Variants in CEP83 observed in about 807,000 individuals in gnomAD.
CEP83 encodes centrosomal protein 83.
A neutral mutation model predicts 101.9 loss-of-function variants in CEP83; 70 were observed. That is an observed-to-expected ratio of 0.69 (90% CI 0.57 to 0.84). The LOEUF is 0.84. CEP83 is among the 40% of genes least tolerant of loss of function. CEP83 has a pLI of 0.00. For synonymous variants in CEP83, 264 were observed against 267.9 expected (o/e 0.99, Z 0.14); for missense variants, 715 against 787.2 (o/e 0.91, Z 1.10).
intron 11 of CEP83, among the ~76,000 whole-genome samples, chr12:94,342,724 A>T (rs138110374): frequency 6.6e-5 from 10 of 152,320 alleles, no homozygotes; most frequent in African/African-American, 2.4e-4. Flanking sequence ...GGATAAAAGT[A>T]TACCAGGCAA....
chr12:94,365,237 T>C (rs1156668262), intron 11 of CEP83, among the ~76,000 whole-genome samples: 1 of 152,080 alleles, frequency 6.6e-6, no homozygotes, highest in African/African-American at 2.4e-5. Context: ...GATATAAAAA[T>C]GGCCCTTAAA....
At chr12:94,268,612 T>TTTTTA in the CEP83 span, among the ~76,000 whole-genome samples, 55 of 130,756 alleles carry the variant, frequency 4.2e-4, no homozygotes, top group African/African-American at 9.9e-4. Flanking sequence ...TTTTTTTTTT[T>TTTTTA]AATTTAAGGA....
intron 14 of CEP83, among the ~76,000 whole-genome samples, chr12:94,328,575 G>A (rs757302061): frequency 6.6e-6 from 1 of 152,166 alleles, no homozygotes; most frequent in Non-Finnish European, 1.5e-5. Flanking sequence ...AAGAATCTAA[G>A]AAGTCTGTTG....
intron 1 of CEP83, among the ~76,000 whole-genome samples, chr12:94,446,316 C>T (rs1216263211): frequency 6.6e-6 from 1 of 152,116 alleles, no homozygotes; most frequent in Non-Finnish European, 1.5e-5. Context: ...AGAGATATGC[C>T]ATAGGAATTT....
chr12:94,451,185 T>C (rs1407547874), intron 1 of CEP83, among the ~76,000 whole-genome samples: 1 of 152,170 alleles, frequency 6.6e-6, no homozygotes, highest in Non-Finnish European at 1.5e-5. Flanking sequence ...ATGAATCTTA[T>C]ATTTAAAGGA....
rs560349094 is a variant in CEP83 at position 94,425,036 on chromosome 12, G to C, written c.-102+10239C>G. On this transcript the variant is annotated intron_variant, in intron 2 of 16. Coordinates refer to ENST00000397809, the MANE Select transcript of CEP83 (RefSeq NM_016122.3). ...GAGAAAGGGAGGGGGTAAGAAAGAC[G>C]GGGAGGGAGGGAGGAGGGGATCGAG... is the stretch of plus-strand genomic sequence containing the variant. 39 of 1,040,930 alleles carry C rather than the reference G, an allele frequency of 3.7e-5. No individual in the cohort carries two copies. The South Asian group carries it at 5.1e-4, about 14-fold the overall frequency. 64.5% of individuals were successfully genotyped at this position (1,040,930 alleles called of 1,614,324 possible).
chr12:94,318,516 T>C (rs1386217795), intron 14 of CEP83, among the ~76,000 whole-genome samples: 1 of 152,132 alleles, frequency 6.6e-6, no homozygotes, highest in African/African-American at 2.4e-5. Flanking sequence ...AATGCTTCCA[T>C]ATTTTGCCCA....
intron 2 of CEP83, among the ~76,000 whole-genome samples, chr12:94,419,047 TA>T (rs1384382656): frequency 6.6e-6 from 1 of 150,898 alleles, no homozygotes; most frequent in Non-Finnish European, 1.5e-5. Flanking sequence ...ATAGAAGGTA[TA>T]AAAACTAAAA....
the CEP83 span, among the ~76,000 whole-genome samples, chr12:94,287,922 T>C: frequency 3.3e-5 from 5 of 152,220 alleles, no homozygotes; most frequent in Non-Finnish European, 7.3e-5. Context: ...GTGAATACTA[T>C]CAGCCCCATT....
chr12:94,284,555 G>T, the CEP83 span, among the ~76,000 whole-genome samples: 1 of 152,024 alleles, frequency 6.6e-6, no homozygotes, highest in Non-Finnish European at 1.5e-5. Flanking sequence ...TTGCAATGGC[G>T]ATTTCAGTAT....
At chr12:94,320,487 T>A (rs545648964) in intron 14 of CEP83, among the ~76,000 whole-genome samples, 13 of 152,304 alleles carry the variant, frequency 8.5e-5, no homozygotes, top group African/African-American at 3.1e-4. Context: ...CCATCTTTTT[T>A]TTTTAATGCT....
chr12:94,436,668 TA>T (rs1338523645), intron 1 of CEP83, among the ~76,000 whole-genome samples: 2 of 151,652 alleles, frequency 1.3e-5, no homozygotes, highest in African/African-American at 4.8e-5. Flanking sequence ...CCATCTCCAC[TA>T]AAAATACAAA....
intron 5 of CEP83, among the ~76,000 whole-genome samples, chr12:94,401,635 G>C (rs565589918): frequency 6.6e-6 from 1 of 152,098 alleles, no homozygotes; most frequent in South Asian, 2.1e-4. Context: ...CAGGAAATTC[G>C]ATAACAAGGA....
intron 14 of CEP83, among the ~76,000 whole-genome samples, chr12:94,318,717 T>C (rs979692010): frequency 1.3e-5 from 2 of 152,236 alleles, no homozygotes; most frequent in African/African-American, 4.8e-5. Context: ...ATCACATTTA[T>C]TGATTTGCAC....
the CEP83 span, chr12:94,301,130 C>A: frequency 1.5e-6 from 2 of 1,378,804 alleles, no homozygotes; most frequent in South Asian, 1.3e-5. Flanking sequence ...GATAAGCATT[C>A]AAATAATAAA....
chr12:94,452,603 T>C (rs2067340095), intron 1 of CEP83, among the ~76,000 whole-genome samples: 1 of 152,138 alleles, frequency 6.6e-6, no homozygotes, highest in African/African-American at 2.4e-5. Context: ...AAGAATAACG[T>C]TGCTAATTCT....
At chr12:94,297,452 T>G in the CEP83 span, 4 of 1,445,322 alleles carry the variant, frequency 2.8e-6, no homozygotes, top group Non-Finnish European at 2.9e-6. Flanking sequence ...GAGCACTTTA[T>G]GGCTACCTAG....
chr12:94,427,196 C>G (rs2065267671), intron 2 of CEP83, among the ~76,000 whole-genome samples: 1 of 152,204 alleles, frequency 6.6e-6, no homozygotes, highest in African/African-American at 2.4e-5. Context: ...GACACTTACA[C>G]ATACATTAGA....
At chr12:94,449,272 A>T (rs2067045146) in intron 1 of CEP83, among the ~76,000 whole-genome samples, 1 of 152,166 alleles carries the variant, frequency 6.6e-6, no homozygotes, top group Non-Finnish European at 1.5e-5. Context: ...AAGAAACTGA[A>T]CCAATAATTT....
Sources: allele counts gnomAD v4.1 joint callset (sites outside exome capture counted in the v4.1 genomes callset), GRCh38; gene constraint gnomAD v4.1.1; transcripts MANE v1.5; gene names NCBI Gene and HGNC (gene_info 2026-07-23, HGNC 2026-07-21).